GPR63: variants seen among roughly 807,000 people sequenced by gnomAD.
GPR63 encodes G protein-coupled receptor 63.
GPR63 carries 12 observed loss-of-function variants against 23.1 expected under a neutral mutation model. The ratio of observed to expected loss-of-function variants is 0.52; its 90% CI spans 0.33 to 0.84. The LOEUF is 0.84. Among genes scored for constraint, GPR63 ranks in the 40% least tolerant of loss-of-function variants. GPR63 has a pLI of 0.02. For missense variants in GPR63, 472 were observed against 515.6 expected, an observed-to-expected ratio of 0.92 and a Z score of 0.82; for synonymous variants, 172 against 191.1, an observed-to-expected ratio of 0.90 and a Z score of 0.82.
intron 1 of GPR63, among the ~76,000 whole-genome samples, 174 bp downstream of exon 1, chr6:96,837,094 C>T (rs13195471): frequency 0.28 from 42,769 of 152,014 alleles, 6,075 homozygotes; most frequent in South Asian, 0.31. Flanking sequence ...AAAACCCTCC[C>T]GAAAACCCAA....
intron 1 of GPR63, among the ~76,000 whole-genome samples, chr6:96,836,214 A>G (rs1302886531): frequency 6.6e-6 from 1 of 152,190 alleles, no homozygotes; most frequent in African/African-American, 2.4e-5. Flanking sequence ...CACGTCTGCA[A>G]TAAATGTACT....
chr6:96,799,568 C>A lies in GPR63; in HGVS notation c.164G>T (p.Gly55Val). The A allele has an allele frequency of 6.2e-7, 1 of 1,614,134 alleles. No homozygotes were observed. Among genetic ancestry groups the A allele is most frequent in the South Asian group, 1.1e-5 (1 of 91,086 alleles). The change falls in exon 2 of 2, where the codon GGT (glycine) becomes GTT (valine). Residue 55 changes from glycine to valine, a missense_variant. Physicochemically the swap from Gly to Val is moderately radical, Grantham distance 109. Coordinates refer to ENST00000229955, the MANE Select transcript of GPR63 (RefSeq NM_030784.4). ...ACTATTCACGGTCAAGGAACTCAAACCAGTGGGAGCCATGGTTTCAAAACT... is the reference window on the plus strand; with the variant it reads ...ACTATTCACGGTCAAGGAACTCAAAACAGTGGGAGCCATGGTTTCAAAACT... Reference protein sequence around the residue: ...RYSFETMAPTGLSSLTVNSTA... With the variant: ...RYSFETMAPTVLSSLTVNSTA...
intron 1 of GPR63, among the ~76,000 whole-genome samples, chr6:96,826,639 T>G (rs1314201309): frequency 6.6e-6 from 1 of 152,096 alleles, no homozygotes; most frequent in Non-Finnish European, 1.5e-5. Flanking sequence ...GTCTTTAGTA[T>G]AGTCAAATTA....
chr6:96,798,497 C>T lies in GPR63; in HGVS notation c.1235G>A (p.Cys412Tyr). ...RRIRPSAVYV[C>Y]GEHRTVV ...TCACACCACCGTCCGATGTTCCCCA[C>T]ACACATAGACAGCACTAGGACGTAT... is the stretch of plus-strand genomic sequence containing the variant. Residue 412 changes from cysteine (C) to tyrosine (Y), a missense_variant, in exon 2 of 2, where the codon TGT becomes TAT. Transcript: ENST00000229955. 1.9e-6 allele frequency: 3 copies of T among 1,613,904 alleles called. No homozygotes were observed. Among genetic ancestry groups the T allele is most frequent in the Non-Finnish European group, 2.5e-6 (3 of 1,179,828 alleles).
At chr6:96,817,859 T>C (rs919613427) in intron 1 of GPR63, among the ~76,000 whole-genome samples, 2 of 151,782 alleles carry the variant, frequency 1.3e-5, no homozygotes, top group Non-Finnish European at 2.9e-5. Flanking sequence ...AAAGGGTTTC[T>C]GGGAGGTTCA....
chr6:96,819,504 C>CTGGG, intron 1 of GPR63, among the ~76,000 whole-genome samples: 1 of 151,958 alleles, frequency 6.6e-6, no homozygotes, highest in East Asian at 1.9e-4. Flanking sequence ...ACATCACACA[C>CTGGG]TGGGGCCTGT....
At chr6:96,833,282 CA>C (rs1335741960) in intron 1 of GPR63, among the ~76,000 whole-genome samples, 2 of 152,134 alleles carry the variant, frequency 1.3e-5, no homozygotes, top group African/African-American at 4.8e-5. Flanking sequence ...TCAACTTGAA[CA>C]AAAAATCCTG....
rs753564652 is a variant in GPR63 at position 96,799,386 on chromosome 6, T to C, written c.346A>G (p.Ile116Val). The C allele has an allele frequency of 1.1e-5, 17 of 1,614,166 alleles. No individual in the cohort carries two copies. In the South Asian group the frequency reaches 1.5e-4, roughly 15 times the overall value. ...VYQKAAMRSA[I>V]NILLASLAFA... ...GCTAGGCTGGCAAGGAGGATGTTAA[T>C]TGCAGACCTCATGGCAGCTTTTTGG... Residue 116 changes from isoleucine to valine, a missense_variant, in exon 2 of 2, where the codon ATT (isoleucine) becomes GTT (valine). Transcript: ENST00000229955.
At chr6:96,814,592 C>T (rs560602759) in intron 1 of GPR63, among the ~76,000 whole-genome samples, 1 of 152,298 alleles carries the variant, frequency 6.6e-6, no homozygotes, top group South Asian at 2.1e-4. Context: ...AAAGTTTCTG[C>T]TCTTTACAAA....
At chr6:96,809,166 G>A (rs979725165) in intron 1 of GPR63, among the ~76,000 whole-genome samples, 35 of 152,014 alleles carry the variant, frequency 2.3e-4, no homozygotes, top group African/African-American at 7.7e-4. Context: ...CATACAAGCT[G>A]GAGTACACTG....
intron 1 of GPR63, among the ~76,000 whole-genome samples, chr6:96,808,647 G>A (rs1773961770): frequency 6.6e-6 from 1 of 152,182 alleles, no homozygotes; most frequent in Admixed American, 6.5e-5. Context: ...CTGAAGTGCT[G>A]AGGGCTTCCA....
chr6:96,802,035 T>C (rs1287556941), intron 1 of GPR63, among the ~76,000 whole-genome samples: 1 of 152,092 alleles, frequency 6.6e-6, no homozygotes, highest in South Asian at 2.1e-4. Flanking sequence ...TCTAGAAAAA[T>C]TATAAATAGA....
chr6:96,812,519 G>A (rs1336890334), intron 1 of GPR63, among the ~76,000 whole-genome samples: 1 of 152,096 alleles, frequency 6.6e-6, no homozygotes, highest in Non-Finnish European at 1.5e-5. Context: ...TGAAACTCAA[G>A]TGGCATGAAA....
rs1360970035 is a variant in GPR63, at chr6:96,810,948, T to C, written c.-150-11067A>G. On this transcript the variant is annotated intron_variant, in intron 1 of 1. Coordinates refer to ENST00000229955, the MANE Select transcript of GPR63 (RefSeq NM_030784.4). ...AGGATGCAAGCTGCAACCTATCTTATTTGTAACATATCTGACCTAACACAA... is the reference window on the plus strand; with the variant it reads ...AGGATGCAAGCTGCAACCTATCTTACTTGTAACATATCTGACCTAACACAA... Among the ~76,000 whole-genome samples the C allele has an allele frequency of 2.0e-5, 3 of 152,230 alleles. No individual in the cohort carries two copies. The South Asian group carries it at 6.2e-4, about 31-fold the overall frequency.
intron 1 of GPR63, among the ~76,000 whole-genome samples, chr6:96,821,394 C>T (rs746213596): frequency 1.9e-4 from 29 of 152,280 alleles, no homozygotes; most frequent in East Asian, 1.2e-3. Context: ...TAAGATTCTG[C>T]GCTGTGATTT....
chr6:96,820,674 T>A (rs954978676), intron 1 of GPR63, among the ~76,000 whole-genome samples: 2 of 152,214 alleles, frequency 1.3e-5, no homozygotes, highest in African/African-American at 4.8e-5. Context: ...CGAGAATTTT[T>A]TTTTCATCCA....
At chr6:96,826,947 T>A (rs552831346) in intron 1 of GPR63, among the ~76,000 whole-genome samples, 6 of 150,980 alleles carry the variant, frequency 4.0e-5, no homozygotes, top group African/African-American at 1.5e-4. Flanking sequence ...GCACCCAAGC[T>A]AGCAGGCAAC....
intron 1 of GPR63, among the ~76,000 whole-genome samples, chr6:96,813,950 A>AG (rs1328809091): frequency 6.6e-6 from 1 of 152,208 alleles, no homozygotes; most frequent in East Asian, 1.9e-4. Context: ...GTAAAACAAA[A>AG]CCTTATGTAA....
chr6:96,830,259 T>C (rs1029955636), intron 1 of GPR63, among the ~76,000 whole-genome samples: 3 of 152,190 alleles, frequency 2.0e-5, no homozygotes, highest in African/African-American at 4.8e-5. Flanking sequence ...AAATGTACAA[T>C]GTACATCACA....
Sources: allele counts gnomAD v4.1 joint callset (sites outside exome capture counted in the v4.1 genomes callset), GRCh38; gene constraint gnomAD v4.1.1; transcripts MANE v1.5; gene names NCBI Gene and HGNC (gene_info 2026-07-23, HGNC 2026-07-21).